SPAG16: variants seen among roughly 807,000 people sequenced by gnomAD.
The protein encoded by SPAG16 is sperm-associated antigen 16 protein.
A neutral mutation model predicts 80.4 loss-of-function variants in SPAG16; 86 were observed. That is an observed-to-expected ratio of 1.07 (90% confidence interval 0.90 to 1.28). The LOEUF (loss-of-function observed/expected upper bound fraction) is 1.28, where lower values mean the gene tolerates loss of function less well. Ranked by LOEUF, SPAG16 falls within the 50% of genes most tolerant of loss-of-function variation. The pLI, the probability that SPAG16 is intolerant of heterozygous loss-of-function variation, is 0.00. For missense variants in SPAG16, 870 were observed against 765.3 expected (o/e 1.14, Z -1.61); for synonymous variants, 294 against 265.9 (o/e 1.11, Z -1.03).
chr2:213,882,835 C>A (rs1039011727), intron 11 of SPAG16, among the ~76,000 whole-genome samples: 1 of 141,152 alleles, frequency 7.1e-6, no homozygotes, highest in Non-Finnish European at 1.6e-5. Flanking sequence ...CTTCTGCTAG[C>A]TTTGTGGTTG....
At chr2:214,143,398 T>C (rs749747537) in intron 14 of SPAG16, among the ~76,000 whole-genome samples, 2 of 152,052 alleles carry the variant, frequency 1.3e-5, no homozygotes, top group Non-Finnish European at 2.9e-5. Flanking sequence ...TTGACCAGGG[T>C]CCTTCCATAA....
At chr2:214,026,673 T>C (rs1283556585) in intron 13 of SPAG16, among the ~76,000 whole-genome samples, 1 of 151,402 alleles carries the variant, frequency 6.6e-6, no homozygotes, top group Non-Finnish European at 1.5e-5. Flanking sequence ...TAGCAATTGA[T>C]AAATAAAGCT....
chr2:214,117,897 A>G (rs1559813775), intron 14 of SPAG16, among the ~76,000 whole-genome samples: 1 of 152,206 alleles, frequency 6.6e-6, no homozygotes, highest in Non-Finnish European at 1.5e-5. Flanking sequence ...CAAACATCAT[A>G]CTAAATAGGG....
intron 10 of SPAG16, among the ~76,000 whole-genome samples, chr2:213,690,248 G>T (rs1242519676): frequency 6.6e-6 from 1 of 152,104 alleles, no homozygotes; most frequent in Non-Finnish European, 1.5e-5. Context: ...CTATAACACA[G>T]ACTGTGGAAT....
chr2:214,139,721 G>A (rs1232925303), intron 14 of SPAG16, among the ~76,000 whole-genome samples: 1 of 151,994 alleles, frequency 6.6e-6, no homozygotes, highest in Non-Finnish European at 1.5e-5. Context: ...CTAATGGCCT[G>A]GGTAAAGTCA....
intron 10 of SPAG16, among the ~76,000 whole-genome samples, chr2:213,814,304 C>A (rs976374607): frequency 2.0e-5 from 3 of 152,104 alleles, no homozygotes; most frequent in African/African-American, 7.2e-5. Context: ...CTGAGGCCCA[C>A]CTAATTATGG....
intron 10 of SPAG16, among the ~76,000 whole-genome samples, chr2:213,665,879 C>T (rs1258449204): frequency 6.6e-6 from 1 of 152,012 alleles, no homozygotes; most frequent in Non-Finnish European, 1.5e-5. Context: ...GAAATCAAGC[C>T]ACTTAAAATA....
chr2:213,920,164 G>T (rs2078148195), intron 11 of SPAG16, among the ~76,000 whole-genome samples: 1 of 151,568 alleles, frequency 6.6e-6, no homozygotes, highest in Admixed American at 6.6e-5. Context: ...TTATTTTTGA[G>T]CCTCTGAGTG....
chr2:213,354,699 C>G (rs941372804), intron 7 of SPAG16, among the ~76,000 whole-genome samples: 1 of 151,668 alleles, frequency 6.6e-6, no homozygotes, highest in African/African-American at 2.4e-5. Flanking sequence ...TGAGAAGTAT[C>G]TGTTCATATA....
At chr2:214,326,944 CAAAAA>C (rs5838428) in intron 15 of SPAG16, among the ~76,000 whole-genome samples, 1 of 64,464 alleles carries the variant, frequency 1.6e-5, no homozygotes, top group African/African-American at 6.8e-5. Flanking sequence ...GACTAAGTCT[CAAAAA>C]AAAAAAAAAA....
rs146312216 is a variant in SPAG16 at position 213,698,051 on chromosome 2, T to C, written c.1071-164434T>C. Among the ~76,000 whole-genome samples the C allele has an allele frequency of 1.3e-3, 195 of 152,280 alleles. 1 individual carries two copies. Among genetic ancestry groups the C allele is most frequent in the Non-Finnish European group, 2.1e-3 (145 of 68,010 alleles). ...AAGGTGCTCTTATTCTTAATTCCAG[T>C]ATATTATTTTTACTTCTACCCTTTT... is the stretch of plus-strand genomic sequence containing the variant. On this transcript the variant is annotated intron_variant, in intron 10 of 15. Coordinates refer to ENST00000331683, the MANE Select transcript of SPAG16 (RefSeq NM_024532.5).
intron 10 of SPAG16, among the ~76,000 whole-genome samples, chr2:213,555,665 T>A (rs2059403033): frequency 6.6e-6 from 1 of 152,158 alleles, no homozygotes. Flanking sequence ...CCCAGATGAA[T>A]AAAACCTGAG....
At chr2:214,249,672 G>A (rs772069374) in intron 15 of SPAG16, among the ~76,000 whole-genome samples, 2 of 152,058 alleles carry the variant, frequency 1.3e-5, no homozygotes, top group Non-Finnish European at 2.9e-5. Context: ...GGAAAAGCAC[G>A]TAAACATTTA....
At chr2:213,991,537 T>A (rs1477648696) in intron 12 of SPAG16, among the ~76,000 whole-genome samples, 1 of 152,148 alleles carries the variant, frequency 6.6e-6, no homozygotes, top group Non-Finnish European at 1.5e-5. Context: ...CATTTATTCA[T>A]CTGAATCCAT....
intron 10 of SPAG16, among the ~76,000 whole-genome samples, chr2:213,640,924 AG>A (rs1385021971): frequency 6.6e-6 from 1 of 151,758 alleles, no homozygotes; most frequent in African/African-American, 2.4e-5. Flanking sequence ...AGTAGTATAG[AG>A]GGGATACACC....
At chr2:214,391,899 G>T (rs1336904241) in intron 15 of SPAG16, among the ~76,000 whole-genome samples, 1 of 152,130 alleles carries the variant, frequency 6.6e-6, no homozygotes, top group African/African-American at 2.4e-5. Flanking sequence ...GAGAAAGGAG[G>T]TTTGTCCTTC....
intron 15 of SPAG16, among the ~76,000 whole-genome samples, chr2:214,374,036 A>G (rs1699977912): frequency 6.6e-6 from 1 of 152,186 alleles, no homozygotes; most frequent in African/African-American, 2.4e-5. Flanking sequence ...AGTAGGATCT[A>G]AGGCTATAAC....
At chr2:213,900,785 T>C (rs1037726852) in intron 11 of SPAG16, among the ~76,000 whole-genome samples, 2 of 152,212 alleles carry the variant, frequency 1.3e-5, no homozygotes. Context: ...CTCATATGTA[T>C]AGATTTTGTT....
intron 10 of SPAG16, among the ~76,000 whole-genome samples, chr2:213,609,424 G>T (rs1473813145): frequency 6.6e-6 from 1 of 151,982 alleles, no homozygotes. Context: ...CCAAGCTTTT[G>T]TTTTCTCTCC....
Sources: allele counts gnomAD v4.1 joint callset (sites outside exome capture counted in the v4.1 genomes callset), GRCh38; gene constraint gnomAD v4.1.1; transcripts MANE v1.5; gene names NCBI Gene and HGNC (gene_info 2026-07-23, HGNC 2026-07-21).